BAZ1A: variants seen among roughly 807,000 people sequenced by gnomAD.
BAZ1A encodes the protein bromodomain adjacent to zinc finger domain 1A, also known as bromodomain adjacent to zinc finger domain protein 1A.
BAZ1A carries 50 observed loss-of-function variants against 185.2 expected under a neutral mutation model. That is an observed-to-expected ratio of 0.27 (90% confidence interval 0.22 to 0.34). The LOEUF is 0.34. Among genes scored for constraint, BAZ1A ranks in the 10% least tolerant of loss-of-function variants. The pLI is 1.00. For synonymous variants in BAZ1A, 571 were observed against 615.6 expected, an observed-to-expected ratio of 0.93 and a Z score of 1.07; for missense variants, 1,356 against 1,839.9, an observed-to-expected ratio of 0.74 and a Z score of 4.81.
intron 3 of BAZ1A, among the ~76,000 whole-genome samples, chr14:34,860,536 G>GAAAAAAAAA (rs2042752195): frequency 1.1e-5 from 1 of 93,168 alleles, no homozygotes; most frequent in Non-Finnish European, 2.3e-5. Flanking sequence ...AAAAAAAAAA[G>GAAAAAAAAA]CAAAAAAAAA....
At chr14:34,796,016 T>C (rs897262593) in intron 9 of BAZ1A, among the ~76,000 whole-genome samples, 2 of 152,022 alleles carry the variant, frequency 1.3e-5, no homozygotes, top group East Asian at 3.9e-4. Flanking sequence ...AGACTGAAAA[T>C]GGGCCGAGTG....
chr14:34,811,821 TA>T (rs1299127062), intron 4 of BAZ1A, among the ~76,000 whole-genome samples: 1 of 151,978 alleles, frequency 6.6e-6, no homozygotes, highest in Non-Finnish European at 1.5e-5. Context: ...AAAATAAAAA[TA>T]AAAAAAGTTC....
At chr14:34,848,704 T>C (rs1294508917) in intron 3 of BAZ1A, among the ~76,000 whole-genome samples, 1 of 152,224 alleles carries the variant, frequency 6.6e-6, no homozygotes, top group African/African-American at 2.4e-5. Flanking sequence ...CAATAATCTG[T>C]TATGTTTCTT....
At position 34,869,719 on chromosome 14, in the gene BAZ1A, G is replaced by C. The variant is rs529494325; in HGVS notation, c.113+4773C>G. Among the ~76,000 whole-genome samples the C allele has an allele frequency of 2.3e-3, 349 of 152,294 alleles. 1 individual carries two copies. Among genetic ancestry groups the C allele is most frequent in the African/African-American group, 8.3e-3 (344 of 41,562 alleles). ...AGACTGTTTGCAAAGAGGTCTAAAG[G>C]TGTGCAGGCTCCTTTGAAATATGAC... On this transcript the variant is annotated intron_variant, in intron 2 of 26. Coordinates refer to ENST00000360310, the MANE Select transcript of BAZ1A (RefSeq NM_013448.3).
chr14:34,830,048 A>G (rs1594883388), intron 3 of BAZ1A, among the ~76,000 whole-genome samples: 1 of 152,242 alleles, frequency 6.6e-6, no homozygotes, highest in South Asian at 2.1e-4. Flanking sequence ...GACAGTCACA[A>G]TAATAGTATT....
intron 3 of BAZ1A, among the ~76,000 whole-genome samples, chr14:34,841,962 T>C (rs1041947821): frequency 6.6e-6 from 1 of 152,188 alleles, no homozygotes; most frequent in African/African-American, 2.4e-5. Context: ...AAATTTTTTA[T>C]GTTTTTTAAC....
chr14:34,870,865 A>C (rs558315265), intron 2 of BAZ1A, among the ~76,000 whole-genome samples: 1 of 152,312 alleles, frequency 6.6e-6, no homozygotes, highest in South Asian at 2.1e-4. Context: ...GAAAGGACTG[A>C]CTTATTAACA....
rs766595179 is a variant in BAZ1A at position 34,776,054 on chromosome 14, G to A, written c.2698C>T (p.Gln900Ter). ...NRWCFYSSCE[Q>*]LDQLIEALNS... Reference sequence around the variant, plus strand: ...AGAGCTTCAATAAGCTGGTCTAGCTGTTCACAAGAACTGTAAAAGCACCAC... The same window carrying A: ...AGAGCTTCAATAAGCTGGTCTAGCTATTCACAAGAACTGTAAAAGCACCAC... Residue 900 changes from glutamine to a stop codon, truncating the protein, a stop_gained, in exon 18 of 27, where the codon CAG becomes TAG. Coordinates refer to ENST00000360310, the MANE Select transcript of BAZ1A (RefSeq NM_013448.3). LOFTEE classifies it high-confidence loss of function. 1 of 1,614,162 alleles carries A rather than the reference G, an allele frequency of 6.2e-7. No homozygotes were observed. Among genetic ancestry groups the A allele is most frequent in the Non-Finnish European group, 8.5e-7 (1 of 1,180,006 alleles).
chr14:34,757,808 G>A (rs1291155468), intron 25 of BAZ1A, among the ~76,000 whole-genome samples: 25 of 149,586 alleles, frequency 1.7e-4, no homozygotes, highest in South Asian at 2.1e-4. Flanking sequence ...CTGCAATGGC[G>A]CGATCTCGGC....
intron 12 of BAZ1A, among the ~76,000 whole-genome samples, chr14:34,789,339 AT>A (rs1412751169): frequency 2.0e-5 from 3 of 152,206 alleles, no homozygotes; most frequent in Non-Finnish European, 4.4e-5. Flanking sequence ...AATGAAATGT[AT>A]TTTTAATTGT....
intron 3 of BAZ1A, among the ~76,000 whole-genome samples, chr14:34,840,366 G>C (rs1461126434): frequency 6.6e-6 from 1 of 152,118 alleles, no homozygotes; most frequent in Non-Finnish European, 1.5e-5. Flanking sequence ...ACCTGAGTTA[G>C]TCAAATCAAA....
Position 34,762,177 on chromosome 14 carries a change from T to C in BAZ1A, c.3823A>G (p.Arg1275Gly), listed in dbSNP as rs1488886147. 2 of 1,614,222 alleles carry C rather than the reference T, an allele frequency of 1.2e-6. No individual in the cohort carries two copies. Among genetic ancestry groups the C allele is most frequent in the Non-Finnish European group, 1.7e-6 (2 of 1,180,018 alleles). The change falls in exon 24 of 27, where the codon AGA (arginine) becomes GGA (glycine). Residue 1275 changes from arginine (R) to glycine (G), a missense_variant. Arg to Gly is a moderately radical substitution (Grantham distance 125). Coordinates refer to ENST00000360310, the MANE Select transcript of BAZ1A (RefSeq NM_013448.3). ...GAGAAAGAAGAGCTAAGTTTCCCTC[T>C]TGTTTTAACTGGCAATCTAACTTGT... ...RPQVRLPVKT[R>G]GKLSSSFSSR...
chr14:34,813,730 C>T (rs1017167765), intron 4 of BAZ1A, among the ~76,000 whole-genome samples: 9 of 151,292 alleles, frequency 5.9e-5, no homozygotes, highest in East Asian at 2.0e-4. Flanking sequence ...AACGAAGCAA[C>T]GACAAGAGTT....
intron 4 of BAZ1A, among the ~76,000 whole-genome samples, chr14:34,818,293 A>C (rs1036969860): frequency 2.0e-5 from 3 of 152,220 alleles, no homozygotes; most frequent in African/African-American, 7.2e-5. Context: ...AAATTCAAAA[A>C]GACAAAGTAG....
At chr14:34,838,803 G>A (rs576831079) in intron 3 of BAZ1A, among the ~76,000 whole-genome samples, 40 of 152,190 alleles carry the variant, frequency 2.6e-4, no homozygotes, top group African/African-American at 9.6e-4. Context: ...GGGATTACAG[G>A]CATGAGCCAC....
chr14:34,859,690 C>T (rs762288744), intron 3 of BAZ1A, among the ~76,000 whole-genome samples: 6 of 152,146 alleles, frequency 3.9e-5, no homozygotes, highest in Non-Finnish European at 8.8e-5. Flanking sequence ...CATATGCCAC[C>T]TCTTAGTATT....
At chr14:34,811,059 A>G in intron 4 of BAZ1A, 23 bp from the exon 5 acceptor site, 1 of 1,430,026 alleles carries the variant, frequency 7.0e-7, no homozygotes, top group South Asian at 1.2e-5. Flanking sequence ...GGGAAAAGAC[A>G]CAAATCAGTT....
At chr14:34,827,336 C>T (rs1055360717) in intron 3 of BAZ1A, among the ~76,000 whole-genome samples, 3 of 152,200 alleles carry the variant, frequency 2.0e-5, no homozygotes, top group African/African-American at 4.8e-5. Flanking sequence ...TAACTTCTGC[C>T]GGGTTGTTCC....
chr14:34,761,394 A>AT (rs1886515706), intron 24 of BAZ1A, among the ~76,000 whole-genome samples: 1 of 152,196 alleles, frequency 6.6e-6, no homozygotes, highest in South Asian at 2.1e-4. Context: ...AAATAATCTG[A>AT]TGTAGCTTGT....
Sources: gnomAD v4.1 joint callset for allele counts (sites outside exome capture counted in the v4.1 genomes callset) on GRCh38, gnomAD v4.1.1 for gene constraint, MANE v1.5 for transcripts, NCBI Gene and HGNC (gene_info 2026-07-23, HGNC 2026-07-21) for gene names.